Variants in LIPA observed in about 807,000 individuals in gnomAD.
LIPA encodes lysosomal acid lipase/cholesteryl ester hydrolase.
Under a neutral mutation model 40.6 loss-of-function variants are expected in LIPA, and 26 were observed. That is an observed-to-expected ratio of 0.64 (90% CI 0.47 to 0.89). The LOEUF (loss-of-function observed/expected upper bound fraction) is 0.89. LIPA is among the 40% of genes least tolerant of loss of function. The pLI is 0.00. For synonymous variants in LIPA, 188 were observed against 168.4 expected, an observed-to-expected ratio of 1.12 and a Z score of -0.90; for missense variants, 455 against 479.6, an observed-to-expected ratio of 0.95 and a Z score of 0.48.
At chr10:89,272,302 T>C (rs1843269622) in intron 1 of LIPA, among the ~76,000 whole-genome samples, 1 of 151,690 alleles carries the variant, frequency 6.6e-6, no homozygotes, top group Non-Finnish European at 1.5e-5. Context: ...TATGTGTCCA[T>C]GTGTTCTCAT....
At position 89,264,705 on chromosome 10, in the gene LIPA, T is replaced by C. The variant is rs1459278003; in HGVS notation, c.-1-17056A>G. Among the ~76,000 whole-genome samples the C allele has an allele frequency of 5.3e-5, 8 of 152,152 alleles. No individual in the cohort carries two copies. The Middle Eastern group carries it at 0.01, about 194-fold the overall frequency. ...TTTTATGGGCTCATAAGGGAGGAAG[T>C]GTATGCTGATTGGTCCATGGGCGGC... is the stretch of plus-strand genomic sequence containing the variant. On this transcript the variant is annotated intron_variant, in intron 1 of 5. Coordinates refer to the LIPA transcript ENST00000282673.
chr10:89,356,240 T>C (rs912925681), intron 2 of LIPA, among the ~76,000 whole-genome samples: 2 of 152,038 alleles, frequency 1.3e-5, no homozygotes, highest in African/African-American at 4.8e-5. Flanking sequence ...AGGGTGGGCA[T>C]GGAGCTTCCA....
chr10:89,258,689 C>T (rs1589580960), intron 1 of LIPA, among the ~76,000 whole-genome samples: 1 of 152,268 alleles, frequency 6.6e-6, no homozygotes, highest in South Asian at 2.1e-4. Flanking sequence ...GACCCATCAA[C>T]TGCACTTTCA....
chr10:89,265,244 G>A (rs987756778), intron 1 of LIPA, among the ~76,000 whole-genome samples: 2 of 152,088 alleles, frequency 1.3e-5, no homozygotes, highest in African/African-American at 4.8e-5. Context: ...GGGGTCCTGG[G>A]CCCCCAAACT....
intron 5 of LIPA, among the ~76,000 whole-genome samples, chr10:89,225,555 A>G (rs986341135): frequency 5.3e-5 from 8 of 152,208 alleles, no homozygotes; most frequent in African/African-American, 1.4e-4. Context: ...TATTTCCAAG[A>G]GCCTCACCCC....
intron 2 of LIPA, among the ~76,000 whole-genome samples, chr10:89,348,071 T>A (rs919525185): frequency 5.9e-5 from 9 of 152,158 alleles, no homozygotes; most frequent in Non-Finnish European, 1.2e-4. Flanking sequence ...GAGGAAGACA[T>A]CTGAGGTTTT....
At chr10:89,391,956 TG>T (rs745663524) in intron 2 of LIPA, among the ~76,000 whole-genome samples, 1 of 152,210 alleles carries the variant, frequency 6.6e-6, no homozygotes, top group Non-Finnish European at 1.5e-5. Flanking sequence ...TAGTGGAGGT[TG>T]TACTGGAATT....
intron 1 of LIPA, among the ~76,000 whole-genome samples, chr10:89,282,742 G>C (rs577852290): frequency 6.6e-6 from 1 of 152,318 alleles, no homozygotes; most frequent in Non-Finnish European, 1.5e-5. Context: ...CTATGAAATA[G>C]GTGCTACCAC....
At chr10:89,331,311 A>G (rs1321310048) in intron 1 of LIPA, among the ~76,000 whole-genome samples, 2 of 152,064 alleles carry the variant, frequency 1.3e-5, no homozygotes, top group East Asian at 1.9e-4. Context: ...AGCTGGGACT[A>G]TAGGAGCACG....
At chr10:89,304,523 A>T (rs907856514) in intron 1 of LIPA, among the ~76,000 whole-genome samples, 6 of 152,152 alleles carry the variant, frequency 3.9e-5, no homozygotes, top group African/African-American at 1.2e-4. Context: ...GACATTCCAG[A>T]TATCTATTGG....
At chr10:89,243,611 A>C (rs978536351) in intron 3 of LIPA, among the ~76,000 whole-genome samples, 2 of 151,982 alleles carry the variant, frequency 1.3e-5, no homozygotes, top group African/African-American at 4.8e-5. Flanking sequence ...AAAAGAAAAA[A>C]CAAAGCACAC....
At chr10:89,307,408 C>A (rs200809128) in intron 1 of LIPA, 3 of 1,510,220 alleles carry the variant, frequency 2.0e-6, no homozygotes, top group African/African-American at 2.8e-5. Context: ...TAGGCTACTG[C>A]TGAAAGGGAG....
At chr10:89,327,640 C>T (rs779006165) in intron 1 of LIPA, among the ~76,000 whole-genome samples, 11 of 152,160 alleles carry the variant, frequency 7.2e-5, no homozygotes, top group Non-Finnish European at 1.6e-4. Flanking sequence ...ATCCAGCTTC[C>T]CCTTCACATC....
chr10:89,297,211 T>C (rs1843420339), intron 1 of LIPA, among the ~76,000 whole-genome samples: 2 of 152,184 alleles, frequency 1.3e-5, no homozygotes, highest in South Asian at 4.2e-4. Context: ...ACTTCAGCAG[T>C]CCACATCCCT....
At chr10:89,233,756 C>G (rs1842871142) in intron 3 of LIPA, among the ~76,000 whole-genome samples, 1 of 152,182 alleles carries the variant, frequency 6.6e-6, no homozygotes, top group Non-Finnish European at 1.5e-5. Flanking sequence ...ATCCCAGTTA[C>G]TCAGGAGGCT....
chr10:89,257,606 A>G (rs1332325), intron 1 of LIPA, among the ~76,000 whole-genome samples: 113,468 of 152,200 alleles, frequency 0.75, 43,586 homozygotes, highest in East Asian at 0.97. Flanking sequence ...TTGAGAAAAG[A>G]AAAACAAATG....
chr10:89,282,576 G>T (rs1410032780), intron 1 of LIPA, among the ~76,000 whole-genome samples: 1 of 152,080 alleles, frequency 6.6e-6, no homozygotes, highest in Non-Finnish European at 1.5e-5. Context: ...GGAGGCAGAG[G>T]TTGCGGTGAG....
chr10:89,235,361 C>G (rs1842892165), intron 3 of LIPA, among the ~76,000 whole-genome samples: 1 of 152,098 alleles, frequency 6.6e-6, no homozygotes, highest in Non-Finnish European at 1.5e-5. Context: ...AAAAGAAGCC[C>G]TAGGAGGGCT....
intron 1 of LIPA, among the ~76,000 whole-genome samples, chr10:89,310,008 A>G (rs142571299): frequency 8.8e-4 from 134 of 152,324 alleles, no homozygotes; most frequent in African/African-American, 3.1e-3. Flanking sequence ...TGTAGCTTCA[A>G]CACCCATATC....
Sources: gnomAD v4.1 joint callset for allele counts (sites outside exome capture counted in the v4.1 genomes callset) on GRCh38, gnomAD v4.1.1 for gene constraint, MANE v1.5 for transcripts, NCBI Gene and HGNC (gene_info 2026-07-23, HGNC 2026-07-21) for gene names.